GARNL3: variants seen among roughly 807,000 people sequenced by gnomAD.
GARNL3 encodes GTPase activating Rap/RanGAP domain like 3, also known as GTPase-activating Rap/Ran-GAP domain-like protein 3.
GARNL3 carries 63 observed loss-of-function variants against 125.0 expected under a neutral mutation model. The observed-to-expected ratio is 0.50, with a 90% CI of 0.41 to 0.62. GARNL3 has a LOEUF of 0.62. Ranked by LOEUF, GARNL3 falls within the 20% of genes least tolerant of loss-of-function variation. GARNL3 has a pLI of 0.00. For missense variants in GARNL3, 994 were observed against 1,244.0 expected (o/e 0.80, Z 3.02); for synonymous variants, 439 against 457.5 (o/e 0.96, Z 0.52).
At chr9:127,316,991 T>A (rs2065258188) in intron 4 of GARNL3, among the ~76,000 whole-genome samples, 1 of 152,222 alleles carries the variant, frequency 6.6e-6, no homozygotes, top group South Asian at 2.1e-4. Flanking sequence ...TTATTACTAA[T>A]CAAAGTCAGG....
At chr9:127,343,051 C>G (rs1375504964) in intron 14 of GARNL3, among the ~76,000 whole-genome samples, 1 of 152,058 alleles carries the variant, frequency 6.6e-6, no homozygotes, top group Non-Finnish European at 1.5e-5. Flanking sequence ...GCATACACCA[C>G]TGCACCTGGC....
At chr9:127,360,378 G>C (rs992021098) in intron 21 of GARNL3, among the ~76,000 whole-genome samples, 2 of 152,166 alleles carry the variant, frequency 1.3e-5, no homozygotes, top group Non-Finnish European at 2.9e-5. Flanking sequence ...GGCTCTGAGA[G>C]GATCAGCGTG....
intron 1 of GARNL3, among the ~76,000 whole-genome samples, chr9:127,228,109 G>A (rs1434976447): frequency 6.6e-6 from 1 of 152,086 alleles, no homozygotes; most frequent in African/African-American, 2.4e-5. Context: ...TATAGTGTAA[G>A]GATTTCCACA....
intron 2 of GARNL3, among the ~76,000 whole-genome samples, chr9:127,303,706 A>G (rs1470028768): frequency 6.6e-6 from 1 of 152,220 alleles, no homozygotes; most frequent in African/African-American, 2.4e-5. Flanking sequence ...TGTGGATACC[A>G]TTTGTATTCT....
chr9:127,262,999 T>C (rs577520566), upstream of GARNL3, among the ~76,000 whole-genome samples: 88 of 152,228 alleles, frequency 5.8e-4, no homozygotes, highest in Non-Finnish European at 1.2e-3. Flanking sequence ...ATGCAGCCCA[T>C]ATAGGTCAGC....
chr9:127,241,664 G>A (rs1217882426), intron 1 of GARNL3, among the ~76,000 whole-genome samples: 1 of 152,146 alleles, frequency 6.6e-6, no homozygotes, highest in Non-Finnish European at 1.5e-5. Flanking sequence ...CAAGAGAGAA[G>A]ACAAAGGGGA....
intron 6 of GARNL3, among the ~76,000 whole-genome samples, chr9:127,323,941 T>C (rs1304288088): frequency 6.6e-6 from 1 of 152,194 alleles, no homozygotes; most frequent in Non-Finnish European, 1.5e-5. Flanking sequence ...CATAATTTTA[T>C]TTTTTCCCAG....
At chr9:127,365,412 C>T (rs1473260395) in intron 22 of GARNL3, 46 bp downstream of exon 22, 19 of 1,150,482 alleles carry the variant, frequency 1.7e-5, no homozygotes, top group Admixed American at 1.1e-4. Context: ...AAATGGACTG[C>T]TTTTTTTTTT....
intron 22 of GARNL3, among the ~76,000 whole-genome samples, chr9:127,370,036 G>A (rs570547538): frequency 2.0e-5 from 3 of 152,250 alleles, no homozygotes; most frequent in South Asian, 2.1e-4. Flanking sequence ...TTGTTCTCTC[G>A]GGAAGTAAGG....
At chr9:127,366,630 G>A (rs1831301134) in intron 22 of GARNL3, 1 of 152,226 alleles carries the variant, frequency 6.6e-6, no homozygotes, top group South Asian at 2.1e-4. Flanking sequence ...CTTTAACCGT[G>A]TGAAAGGATG....
intron 16 of GARNL3, among the ~76,000 whole-genome samples, chr9:127,346,834 CTCA>C (rs1830163816): frequency 6.6e-6 from 1 of 152,158 alleles, no homozygotes; most frequent in African/African-American, 2.4e-5. Flanking sequence ...CTCTTCAGCA[CTCA>C]TCGTTTCATG....
At chr9:127,348,600 C>CAA (rs1232409932) in intron 16 of GARNL3, among the ~76,000 whole-genome samples, 3 of 152,156 alleles carry the variant, frequency 2.0e-5, no homozygotes, top group Non-Finnish European at 4.4e-5. Flanking sequence ...CCATTTGGCC[C>CAA]AACTCCCAGG....
At chr9:127,346,992 G>A (rs750451211) in intron 16 of GARNL3, among the ~76,000 whole-genome samples, 1 of 152,166 alleles carries the variant, frequency 6.6e-6, no homozygotes, top group Non-Finnish European at 1.5e-5. Context: ...ACTGTCTGTC[G>A]TCAGACCAGA....
intron 16 of GARNL3, 88 bp from the exon 17 acceptor site, chr9:127,348,836 C>A: frequency 1.2e-6 from 1 of 814,404 alleles, no homozygotes; most frequent in South Asian, 1.7e-5. Context: ...GTTACTGTTT[C>A]AGGTGTGGTA....
At chr9:127,348,804 C>T (rs1314009959) in intron 16 of GARNL3, 120 bp from the exon 17 acceptor site, 19 of 630,658 alleles carry the variant, frequency 3.0e-5, no homozygotes, top group Non-Finnish European at 4.6e-5. Context: ...TGGAGTGACT[C>T]CGCTCCCACG....
At chr9:127,227,458 G>A (rs1473403514) in intron 1 of GARNL3, among the ~76,000 whole-genome samples, 2 of 151,954 alleles carry the variant, frequency 1.3e-5, no homozygotes, top group East Asian at 1.9e-4. Flanking sequence ...AAAATTAGCC[G>A]GTTGTGGTGG....
intron 1 of GARNL3, among the ~76,000 whole-genome samples, chr9:127,228,691 A>C (rs1405774356): frequency 6.6e-6 from 1 of 152,234 alleles, no homozygotes; most frequent in Non-Finnish European, 1.5e-5. Context: ...TTTAGGTCAA[A>C]TATATAGCAA....
At chr9:127,325,205 A>AT in intron 7 of GARNL3, 110 bp downstream of exon 7, 1 of 1,066,864 alleles carries the variant, frequency 9.4e-7, no homozygotes, top group East Asian at 2.4e-5. Flanking sequence ...CTCCATGTAG[A>AT]TTTGCACAGT....
rs749436220 is a variant in GARNL3, at chr9:127,384,979, C to T, written c.2270-48C>T. 13 of 1,173,010 alleles carry T rather than the reference C, an allele frequency of 1.1e-5. No individual in the cohort carries two copies. The highest frequency in any genetic ancestry group is 9.1e-5 in the African/African-American group (6 of 66,000). The allele number at this position is 1,173,010 out of a possible 1,614,324, so 72.7% of individuals were successfully genotyped here. On this transcript the variant is annotated intron_variant, in intron 23 of 27. Coordinates refer to ENST00000373387, the MANE Select transcript of GARNL3 (RefSeq NM_032293.5). This position sits in a 1 kb window ranked among gnomAD's most constrained non-coding sequence, Gnocchi z 4.0. ...CTATGACACAGTCACAGCCCCTTCG[C>T]GGCCACCAAGCCAGCAGCTGGGAGG...
Sources: allele counts gnomAD v4.1 joint callset (sites outside exome capture counted in the v4.1 genomes callset), GRCh38; gene constraint gnomAD v4.1.1; non-coding constraint Gnocchi (gnomAD v3.1); transcripts MANE v1.5; gene names NCBI Gene and HGNC (gene_info 2026-07-23, HGNC 2026-07-21).